Variants in GTF2IRD1 observed in about 807,000 individuals in gnomAD.
The protein encoded by GTF2IRD1 is general transcription factor II-I repeat domain-containing protein 1.
Under a neutral mutation model 113.2 loss-of-function variants are expected in GTF2IRD1, and 26 were observed. That is an observed-to-expected ratio of 0.23 (90% CI 0.17 to 0.32). The LOEUF (loss-of-function observed/expected upper bound fraction) is 0.32. Ranked by LOEUF, GTF2IRD1 falls within the 10% of genes least tolerant of loss-of-function variation. The probability of loss-of-function intolerance (pLI) is 1.00; values close to 1 mark genes in which losing one functional copy is unlikely to be tolerated. For missense variants in GTF2IRD1, 864 were observed against 1,280.8 expected (o/e 0.67, Z 4.97); for synonymous variants, 484 against 529.1 (o/e 0.91, Z 1.17).
rs782212123 is a variant in GTF2IRD1 at position 74,518,337 on chromosome 7, C to T, written c.605+15C>T. On this transcript the variant is annotated intron_variant, in intron 5 of 26. Transcript: ENST00000424337. ...AAGCTCAAGAGGTGAGTGAGGTAGCCGGCCCGGGGCTGGGCTGGGGCTGGG... is the reference window on the plus strand; with the variant it reads ...AAGCTCAAGAGGTGAGTGAGGTAGCTGGCCCGGGGCTGGGCTGGGGCTGGG... 26 of 1,565,394 alleles carry T rather than the reference C, an allele frequency of 1.7e-5. No individual in the cohort carries two copies. In the African/African-American group the frequency reaches 2.2e-4, roughly 13 times the overall value.
intron 22 of GTF2IRD1, among the ~76,000 whole-genome samples, chr7:74,576,033 C>T (rs190528177): frequency 6.6e-6 from 1 of 151,874 alleles, no homozygotes; most frequent in East Asian, 1.9e-4. Flanking sequence ...ACGTAGTGCA[C>T]ACCTGTGGTC....
In GTF2IRD1 at chr7:74,601,114, C is replaced by T; in HGVS notation, c.2700C>T (p.Ser900=). Residue 900 remains serine (S), a synonymous_variant, in exon 26 of 27, where the codon TCC becomes TCT. Coordinates refer to ENST00000424337, the MANE Select transcript of GTF2IRD1 (RefSeq NM_005685.4). ...AAGGAAATTCCGTCTCCTCTTCCTC[C>T]TCGTCTTCCTCTTCCTCGTCCTCTA... is the stretch of plus-strand genomic sequence containing the variant. ...VSEGNSVSSS[S]SSSSSSSSNP... is the part of the protein sequence containing the mutation. 6.2e-7 allele frequency: 1 copy of T among 1,613,688 alleles called. No homozygotes were observed. Among genetic ancestry groups the T allele is most frequent in the Non-Finnish European group, 8.5e-7 (1 of 1,179,826 alleles).
chr7:74,602,505 C>G lies in GTF2IRD1; in HGVS notation c.*72C>G, dbSNP rs1425523470. ...GTAATTTATGTACAAAATGTATATT[C>G]GGATATGTATCGATGCCTTTTAGTT... On this transcript the variant is annotated 3_prime_UTR_variant, in exon 27 of 27. Coordinates refer to ENST00000424337, the MANE Select transcript of GTF2IRD1 (RefSeq NM_005685.4). 7.7e-7 allele frequency: 1 copy of G among 1,305,264 alleles called. No individual in the cohort carries two copies. Among genetic ancestry groups the G allele is most frequent in the Non-Finnish European group, 1.1e-6 (1 of 904,752 alleles). The allele number at this position is 1,305,264 out of a possible 1,614,324, so 80.9% of individuals were successfully genotyped here. A position where few individuals can be genotyped will look rare whatever the true frequency, so the allele number is the denominator to read the frequency against.
intron 22 of GTF2IRD1, chr7:74,572,621 G>T: frequency 1.1e-6 from 1 of 921,274 alleles, no homozygotes; most frequent in Non-Finnish European, 1.3e-6. Flanking sequence ...TTTCCTTGTC[G>T]CCAATCACAC....
chr7:74,512,684 C>T lies in GTF2IRD1; in HGVS notation c.124-146C>T. ...TCAGTCCCACTACAGAATCTGAGAC[C>T]AAGAACAGTAGAGGGGCCGTCTGTC... On this transcript the variant is annotated intron_variant, in intron 2 of 26. Coordinates refer to ENST00000424337, the MANE Select transcript of GTF2IRD1 (RefSeq NM_005685.4). This position sits in a 1 kb window ranked among gnomAD's most constrained non-coding sequence, Gnocchi z 4.4. 1 of 687,906 alleles carries T rather than the reference C, an allele frequency of 1.5e-6. No homozygotes were observed. The highest frequency in any genetic ancestry group is 2.4e-6 in the Non-Finnish European group (1 of 415,220). The allele number at this position is 687,906 out of a possible 1,614,324, so 42.6% of individuals were successfully genotyped here. A position where few individuals can be genotyped will look rare whatever the true frequency, so the allele number is the denominator to read the frequency against.
intron 20 of GTF2IRD1, 28 bp downstream of exon 20, chr7:74,557,750 GACACGC>G (rs1799687319): frequency 1.1e-5 from 16 of 1,394,316 alleles, no homozygotes; most frequent in Non-Finnish European, 1.6e-5. Context: ...CCCGGGGAGG[GACACGC>G]AGCTGCTGTG....
chr7:74,562,040 A>T (rs781784156), intron 22 of GTF2IRD1, among the ~76,000 whole-genome samples: 1 of 152,160 alleles, frequency 6.6e-6, no homozygotes, highest in Non-Finnish European at 1.5e-5. Flanking sequence ...TACTCATGCC[A>T]CTAGTCATGC....
Position 74,512,561 on chromosome 7 carries a change from A to AG in GTF2IRD1, c.124-263dup, listed in dbSNP as rs1254731548. On this transcript the variant is annotated intron_variant, in intron 2 of 26. Coordinates refer to ENST00000424337, the MANE Select transcript of GTF2IRD1 (RefSeq NM_005685.4). This position sits in a 1 kb window ranked among gnomAD's most constrained non-coding sequence, Gnocchi z 4.4. ...GGCATTGTCCCTGGGGCTGGGGCTA[A>AG]GGGGGGCCTACCCCAAGGAGGAGGA... 3.3e-5 allele frequency among the ~76,000 whole-genome samples: 5 copies of AG among 152,140 alleles called. No homozygotes were observed. Among genetic ancestry groups the AG allele is most frequent in the Non-Finnish European group, 2.9e-5 (2 of 68,012 alleles).
intron 1 of GTF2IRD1, among the ~76,000 whole-genome samples, chr7:74,475,752 G>A (rs559108199): frequency 2.6e-4 from 39 of 152,246 alleles, no homozygotes; most frequent in African/African-American, 5.1e-4. Flanking sequence ...GTGTGCATGC[G>A]CACACCCAGC....
At chr7:74,534,996 A>G in intron 9 of GTF2IRD1, 117 bp from the exon 10 acceptor site, 1 of 814,160 alleles carries the variant, frequency 1.2e-6, no homozygotes, top group South Asian at 1.4e-5. Flanking sequence ...CCAGGTCTGT[A>G]GCTGTGCATG....
intron 1 of GTF2IRD1, among the ~76,000 whole-genome samples, chr7:74,466,602 G>A (rs1320103405): frequency 2.0e-5 from 3 of 152,078 alleles, no homozygotes; most frequent in African/African-American, 7.2e-5. Flanking sequence ...TGTGTCCCTG[G>A]GCTGATTTCT....
intron 17 of GTF2IRD1, among the ~76,000 whole-genome samples, chr7:74,548,128 C>T (rs1397310022): frequency 6.6e-6 from 1 of 152,136 alleles, no homozygotes. Context: ...GATAAAAAGT[C>T]CCTTTGGGCC....
Position 74,512,730 on chromosome 7 carries a change from C to G in GTF2IRD1, c.124-100C>G. The G allele has an allele frequency of 8.8e-7, 1 of 1,140,676 alleles. No homozygotes were observed. The highest frequency in any genetic ancestry group is 1.3e-6 in the Non-Finnish European group (1 of 795,226). 70.7% of individuals were successfully genotyped at this position (1,140,676 alleles called of 1,614,324 possible). A position where few individuals can be genotyped will look rare whatever the true frequency, so the allele number is the denominator to read the frequency against. On this transcript the variant is annotated intron_variant, in intron 2 of 26. Coordinates refer to ENST00000424337, the MANE Select transcript of GTF2IRD1 (RefSeq NM_005685.4). This position sits in a 1 kb window ranked among gnomAD's most constrained non-coding sequence, Gnocchi z 4.4. ...CTGTCCCTGGAGCTGCTGCTGGGGT[C>G]TCAGGCAGCTGGGAGCTCACATCCC...
chr7:74,539,694 A>C (rs1798514079), intron 13 of GTF2IRD1, among the ~76,000 whole-genome samples, 185 bp from the exon 14 acceptor site: 1 of 151,826 alleles, frequency 6.6e-6, no homozygotes, highest in African/African-American at 2.4e-5. Flanking sequence ...CAGTGAGCCA[A>C]GATGGCGCCA....
At chr7:74,571,366 G>A (rs1554362641) in intron 22 of GTF2IRD1, among the ~76,000 whole-genome samples, 1 of 152,206 alleles carries the variant, frequency 6.6e-6, no homozygotes, top group Non-Finnish European at 1.5e-5. Context: ...AGCCTGGGAG[G>A]CCTGGCTTTG....
chr7:74,543,432 C>T (rs1554352312), intron 14 of GTF2IRD1, among the ~76,000 whole-genome samples: 1 of 152,164 alleles, frequency 6.6e-6, no homozygotes, highest in African/African-American at 2.4e-5. Context: ...GAGACTGCAC[C>T]ACTGCACTCC....
intron 17 of GTF2IRD1, among the ~76,000 whole-genome samples, chr7:74,553,261 C>T (rs1799414631): frequency 6.6e-6 from 1 of 152,120 alleles, no homozygotes; most frequent in Admixed American, 6.5e-5. Flanking sequence ...TCCCGAGTAA[C>T]TGGGATTACA....
At chr7:74,511,439 T>C (rs1796621660) in intron 2 of GTF2IRD1, among the ~76,000 whole-genome samples, 1 of 152,234 alleles carries the variant, frequency 6.6e-6, no homozygotes, top group African/African-American at 2.4e-5. Flanking sequence ...CTTTCAGCTG[T>C]GATGGATGAG....
intron 1 of GTF2IRD1, among the ~76,000 whole-genome samples, chr7:74,504,972 C>T (rs181478683): frequency 1.2e-3 from 188 of 152,034 alleles, no homozygotes; most frequent in African/African-American, 4.4e-3. Flanking sequence ...CCTCTCAAAG[C>T]GCTGGGATTA....
Sources: allele counts gnomAD v4.1 joint callset (sites outside exome capture counted in the v4.1 genomes callset), GRCh38; gene constraint gnomAD v4.1.1; non-coding constraint Gnocchi (gnomAD v3.1); transcripts MANE v1.5; gene names NCBI Gene and HGNC (gene_info 2026-07-23, HGNC 2026-07-21).